Variants in FRMD3 observed in about 807,000 individuals in gnomAD.
FRMD3 encodes FERM domain containing 3, also known as FERM domain-containing protein 3.
In FRMD3, 33 loss-of-function variants were observed where a neutral mutation model predicts 70.2. That is an observed-to-expected ratio of 0.47 (90% confidence interval 0.36 to 0.63). FRMD3 has a LOEUF of 0.63. Among genes scored for constraint, FRMD3 ranks in the 20% least tolerant of loss-of-function variants. The pLI is 0.00. For missense variants in FRMD3, 632 were observed against 711.4 expected (o/e 0.89, Z 1.27); for synonymous variants, 279 against 255.9 (o/e 1.09, Z -0.86).
chr9:83,502,884 T>C (rs1829101787), intron 1 of FRMD3, among the ~76,000 whole-genome samples: 1 of 152,112 alleles, frequency 6.6e-6, no homozygotes, highest in Admixed American at 6.5e-5. Context: ...CAGTGCACCA[T>C]GTGGCTTCAA....
rs1486302614 is a variant in FRMD3 at position 83,245,332 on chromosome 9, T to TGAC, written c.*2583_*2585dup. 3.2e-5 allele frequency: 32 copies of TGAC among 985,442 alleles called. No homozygotes were observed. The African/African-American group carries it at 5.1e-4, about 16-fold the overall frequency. The allele number at this position is 985,442 out of a possible 1,614,324, so 61.0% of individuals were successfully genotyped here. The stretch of plus-strand genomic sequence containing the variant: ...TTCCTCATTCGATTCAGGCAACTGG[T>TGAC]GACTATCTTCTAACAAAACTTAAAT... On this transcript the variant is annotated 3_prime_UTR_variant, in exon 14 of 14. Coordinates refer to ENST00000304195, the MANE Select transcript of FRMD3 (RefSeq NM_174938.6).
chr9:83,546,591 T>C, the FRMD3 span, among the ~76,000 whole-genome samples: 1 of 152,118 alleles, frequency 6.6e-6, no homozygotes, highest in Non-Finnish European at 1.5e-5. Context: ...ATAAAACAAT[T>C]ACACAGTTGA....
chr9:83,490,792 TCTCTCTCACA>T (rs1302195031), intron 1 of FRMD3, among the ~76,000 whole-genome samples: 199 of 119,390 alleles, frequency 1.7e-3, no homozygotes, highest in African/African-American at 7.0e-3. Flanking sequence ...TCTCTCTCTC[TCTCTCTCACA>T]CACACACACA....
intron 6 of FRMD3, chr9:83,331,751 T>TA (rs1309359289): frequency 3.0e-6 from 2 of 660,784 alleles, no homozygotes; most frequent in African/African-American, 3.7e-5. Context: ...ACATCTCTTT[T>TA]AAAAAATAAA....
At chr9:83,361,939 A>G (rs7034503) in intron 3 of FRMD3, among the ~76,000 whole-genome samples, 43,644 of 152,092 alleles carry the variant, frequency 0.29, 7,070 homozygotes, top group African/African-American at 0.44. Flanking sequence ...CGGAGGGAGC[A>G]TGGCCCTGCT....
intron 2 of FRMD3, among the ~76,000 whole-genome samples, chr9:83,375,051 C>T (rs895752453): frequency 1.3e-5 from 2 of 152,144 alleles, no homozygotes; most frequent in African/African-American, 2.4e-5. Context: ...TAACTTGATC[C>T]TGCTTCTCCA....
In FRMD3 at chr9:83,247,151, T is replaced by C. The variant is rs1021725657; in HGVS notation, c.*767A>G. On this transcript the variant is annotated 3_prime_UTR_variant, in exon 14 of 14. Transcript: ENST00000304195. ...GAAAAATGGACCACCCTGAGTCCAC[T>C]TGATGCTCTCAGTTTCTACATCCTC... 8.1e-6 allele frequency: 8 copies of C among 985,250 alleles called. No individual in the cohort carries two copies. The highest frequency in any genetic ancestry group is 6.1e-5 in the Admixed American group (1 of 16,268). 61.0% of individuals were successfully genotyped at this position (985,250 alleles called of 1,614,324 possible). A position where few individuals can be genotyped will look rare whatever the true frequency, so the allele number is the denominator to read the frequency against.
At chr9:83,302,840 C>A (rs556304391) in intron 10 of FRMD3, among the ~76,000 whole-genome samples, 1 of 152,316 alleles carries the variant, frequency 6.6e-6, no homozygotes, top group Admixed American at 6.5e-5. Flanking sequence ...AATGAGTTCA[C>A]AGCCTCATTG....
At chr9:83,415,162 C>T (rs1030045286) in intron 1 of FRMD3, among the ~76,000 whole-genome samples, 3 of 152,198 alleles carry the variant, frequency 2.0e-5, no homozygotes, top group Non-Finnish European at 2.9e-5. Context: ...GGGAGAAATA[C>T]TCAGGCCTCA....
At chr9:83,573,193 T>C in the FRMD3 span, among the ~76,000 whole-genome samples, 5 of 152,148 alleles carry the variant, frequency 3.3e-5, no homozygotes, top group Non-Finnish European at 7.4e-5. Flanking sequence ...ATGCCCATCA[T>C]TGTTCTAGGC....
intron 12 of FRMD3, among the ~76,000 whole-genome samples, chr9:83,297,034 G>T (rs951447566): frequency 6.6e-6 from 1 of 152,014 alleles, no homozygotes; most frequent in Non-Finnish European, 1.5e-5. Flanking sequence ...AGAAAGCCTT[G>T]GTTTCCATAA....
chr9:83,494,677 G>A (rs1363440667), intron 1 of FRMD3, among the ~76,000 whole-genome samples: 2 of 152,208 alleles, frequency 1.3e-5, no homozygotes, highest in African/African-American at 4.8e-5. Context: ...CCAAGGTGGG[G>A]AGGATTGCTT....
At chr9:83,573,154 G>C in the FRMD3 span, among the ~76,000 whole-genome samples, 6 of 152,074 alleles carry the variant, frequency 3.9e-5, no homozygotes, top group Non-Finnish European at 7.4e-5. Flanking sequence ...TTCAGTTTAG[G>C]TCAATAAACA....
At chr9:83,406,680 C>T (rs758368448) in intron 1 of FRMD3, among the ~76,000 whole-genome samples, 12 of 152,330 alleles carry the variant, frequency 7.9e-5, no homozygotes, top group Non-Finnish European at 1.2e-4. Flanking sequence ...AGAGTTGGTT[C>T]CTTGCCATTG....
rs545032363 is a variant in FRMD3 at position 83,267,542 on chromosome 9, C to T, written c.1196-19026G>A. Among the ~76,000 whole-genome samples the T allele has an allele frequency of 8.5e-5, 13 of 152,184 alleles. No homozygotes were observed. The South Asian group carries it at 2.5e-3, about 29-fold the overall frequency. On this transcript the variant is annotated intron_variant, in intron 13 of 13. Coordinates refer to ENST00000304195, the MANE Select transcript of FRMD3 (RefSeq NM_174938.6). Reference sequence around the variant, plus strand: ...CTTTTTCTTCTAAAAATTGCTCCTCCAGCCTTTATTATATTCTACAGCAGT... The same window carrying T: ...CTTTTTCTTCTAAAAATTGCTCCTCTAGCCTTTATTATATTCTACAGCAGT...
chr9:83,553,890 T>C, the FRMD3 span, among the ~76,000 whole-genome samples: 6 of 152,230 alleles, frequency 3.9e-5, no homozygotes, highest in African/African-American at 1.2e-4. Flanking sequence ...AGAACTCCTG[T>C]TGGAGAACTG....
chr9:83,403,516 G>T (rs75858540), intron 1 of FRMD3, among the ~76,000 whole-genome samples: 5,754 of 152,224 alleles, frequency 0.038, 186 homozygotes, highest in East Asian at 0.15. Context: ...GAGAGGCTGG[G>T]AGTATAACAG....
intron 3 of FRMD3, among the ~76,000 whole-genome samples, chr9:83,369,237 A>C (rs1824890659): frequency 6.6e-6 from 1 of 152,194 alleles, no homozygotes; most frequent in African/African-American, 2.4e-5. Flanking sequence ...ACTTTACAAT[A>C]GCAAAATACC....
intron 1 of FRMD3, among the ~76,000 whole-genome samples, chr9:83,430,714 A>G (rs901645747): frequency 3.3e-5 from 5 of 152,190 alleles, no homozygotes; most frequent in African/African-American, 4.8e-5. Flanking sequence ...CCCCACGTCC[A>G]TATCTTCGAT....
Sources: gnomAD v4.1 joint callset for allele counts (sites outside exome capture counted in the v4.1 genomes callset) on GRCh38, gnomAD v4.1.1 for gene constraint, MANE v1.5 for transcripts, NCBI Gene and HGNC (gene_info 2026-07-23, HGNC 2026-07-21) for gene names.